The following LHFPL4 variants were observed in gnomAD, a reference collection of about 807,000 sequenced individuals.
LHFPL4 encodes the protein LHFPL tetraspan subfamily member 4 protein.
In LHFPL4, 6 loss-of-function variants were observed where a neutral mutation model predicts 20.0. That is an observed-to-expected ratio of 0.30 (90% CI 0.16 to 0.59). The LOEUF is 0.59. Ranked by LOEUF, LHFPL4 falls within the 20% of genes least tolerant of loss-of-function variation. The pLI is 0.88. For synonymous variants in LHFPL4, 129 were observed against 143.8 expected, an observed-to-expected ratio of 0.90 and a Z score of 0.74; for missense variants, 215 against 331.2, an observed-to-expected ratio of 0.65 and a Z score of 2.72.
chr3:9,512,332 T>C (rs2046266766), intron 2 of LHFPL4, among the ~76,000 whole-genome samples: 1 of 152,224 alleles, frequency 6.6e-6, no homozygotes, highest in Admixed American at 6.5e-5. Context: ...GTAGAGCTTC[T>C]GTGAGAATCA....
At chr3:9,515,382 T>A (rs79554750) in intron 2 of LHFPL4, among the ~76,000 whole-genome samples, 6 of 152,212 alleles carry the variant, frequency 3.9e-5, no homozygotes, top group Admixed American at 1.3e-4. Context: ...GTTCTTTTTT[T>A]AATTTTTTTG....
At chr3:9,547,060 C>A (rs1359167627) in intron 2 of LHFPL4, among the ~76,000 whole-genome samples, 1 of 152,174 alleles carries the variant, frequency 6.6e-6, no homozygotes, top group Non-Finnish European at 1.5e-5. Flanking sequence ...ATGATCATGG[C>A]TCACTGCAGC....
intron 2 of LHFPL4, among the ~76,000 whole-genome samples, chr3:9,537,304 A>C (rs1047017524): frequency 3.9e-5 from 6 of 152,048 alleles, no homozygotes; most frequent in African/African-American, 1.4e-4. Flanking sequence ...TCTTTCTCTA[A>C]GTCATTCAGT....
chr3:9,542,273 G>A (rs35083532), intron 2 of LHFPL4, among the ~76,000 whole-genome samples: 3,299 of 152,088 alleles, frequency 0.022, 65 homozygotes, highest in Non-Finnish European at 0.036. Flanking sequence ...GCACCAGAGC[G>A]AGACTCTGTC....
At chr3:9,537,642 C>T (rs1192025511) in intron 2 of LHFPL4, among the ~76,000 whole-genome samples, 2 of 152,156 alleles carry the variant, frequency 1.3e-5, no homozygotes, top group Non-Finnish European at 2.9e-5. Context: ...CCACCTTCTC[C>T]TGCAGACATG....
intron 2 of LHFPL4, among the ~76,000 whole-genome samples, chr3:9,543,122 G>T (rs1348729399): frequency 2.0e-5 from 3 of 152,050 alleles, no homozygotes; most frequent in African/African-American, 7.3e-5. Flanking sequence ...CCACAAAAAG[G>T]GGGTGGGCAG....
Position 9,502,233 on chromosome 3 carries a change from ACG to A in LHFPL4, c.720_721del (p.Val241GlyfsTer35). 6.2e-7 allele frequency: 1 copy of A among 1,614,036 alleles called. No individual in the cohort carries two copies. The highest frequency in any genetic ancestry group is 1.1e-5 in the South Asian group (1 of 91,074). Reference sequence around the variant, plus strand: ...CTTTCAGGGTCCCTGTGAGTGAGCCACGGGGCAGGGAAGGACTCCCCATCCAG... The same window carrying A: ...CTTTCAGGGTCCCTGTGAGTGAGCCAGGGCAGGGAAGGACTCCCCATCCAG... On this transcript the variant is annotated frameshift_variant, in exon 4 of 4. Coordinates refer to ENST00000287585, the MANE Select transcript of LHFPL4 (RefSeq NM_198560.3). LOFTEE classifies it high-confidence loss of function.
chr3:9,518,859 T>G (rs1417949993), intron 2 of LHFPL4, among the ~76,000 whole-genome samples: 5 of 151,804 alleles, frequency 3.3e-5, no homozygotes, highest in Non-Finnish European at 5.9e-5. Flanking sequence ...GTTCAAGTGA[T>G]TCTCATACCT....
intron 2 of LHFPL4, among the ~76,000 whole-genome samples, chr3:9,538,752 G>A (rs891188004): frequency 2.0e-5 from 3 of 150,902 alleles, no homozygotes; most frequent in African/African-American, 7.3e-5. Flanking sequence ...AGGCTGGAGT[G>A]CAATGGCGCA....
chr3:9,513,989 C>A (rs942807900), intron 2 of LHFPL4, among the ~76,000 whole-genome samples: 2 of 152,170 alleles, frequency 1.3e-5, no homozygotes, highest in Non-Finnish European at 1.5e-5. Flanking sequence ...AGGGTGTTCG[C>A]TGCACCACCA....
chr3:9,541,715 T>G (rs1178466033), intron 2 of LHFPL4, among the ~76,000 whole-genome samples: 1 of 151,272 alleles, frequency 6.6e-6, no homozygotes, highest in Non-Finnish European at 1.5e-5. Flanking sequence ...GAGGTTGCAA[T>G]GAGTCGAGAT....
At position 9,506,001 on chromosome 3, in the gene LHFPL4, G is replaced by A. The variant is rs750922875; in HGVS notation, c.609C>T (p.Asp203=). ...LAFVLGNRQT[D]LLQEELKPEN... The stretch of plus-strand genomic sequence containing the variant: ...CCGGCTTGAGCTCCTCCTGCAGCAG[G>A]TCTGTTTGCCGGTTGCCCAGCACGA... Residue 203 remains aspartate, a synonymous_variant, in exon 3 of 4, where the codon GAC becomes GAT. Transcript: ENST00000287585. This position sits in a 1 kb window ranked among gnomAD's most constrained non-coding sequence, Gnocchi z 4.5. 1.9e-6 allele frequency: 3 copies of A among 1,614,122 alleles called. No individual in the cohort carries two copies. Among genetic ancestry groups the A allele is most frequent in the East Asian group, 2.2e-5 (1 of 44,890 alleles).
chr3:9,532,029 A>C (rs1011275720), intron 2 of LHFPL4, among the ~76,000 whole-genome samples: 2 of 152,020 alleles, frequency 1.3e-5, no homozygotes, highest in Admixed American at 1.3e-4. Flanking sequence ...ATTGCTTTTT[A>C]GTTGTTGTGG....
intron 1 of LHFPL4, among the ~76,000 whole-genome samples, chr3:9,553,148 T>A (rs963584670): frequency 6.7e-6 from 1 of 150,104 alleles, no homozygotes; most frequent in East Asian, 2.0e-4. Flanking sequence ...AGAAGGGAAT[T>A]TGGGGACTGG....
intron 2 of LHFPL4, among the ~76,000 whole-genome samples, chr3:9,523,077 G>GAAGAAAGAAAGA (rs752981499): frequency 0.3 from 33,667 of 110,842 alleles, 6,812 homozygotes; most frequent in Non-Finnish European, 0.37. Flanking sequence ...GAAAGAAAAG[G>GAAGAAAGAAAGA]AAGAAAGAAA....
At chr3:9,516,467 A>G (rs1364764162) in intron 2 of LHFPL4, among the ~76,000 whole-genome samples, 3 of 147,850 alleles carry the variant, frequency 2.0e-5, no homozygotes, top group African/African-American at 7.4e-5. Context: ...CCAGTACCAC[A>G]CTGTCTTTTT....
At chr3:9,507,721 C>G (rs2046228519) in intron 2 of LHFPL4, among the ~76,000 whole-genome samples, 1 of 152,196 alleles carries the variant, frequency 6.6e-6, no homozygotes, top group African/African-American at 2.4e-5. Flanking sequence ...CAGGTGGGCC[C>G]TTGGCCAGCA....
At position 9,506,307 on chromosome 3, in the gene LHFPL4, T is replaced by C; in HGVS notation, c.407-104A>G. The stretch of plus-strand genomic sequence containing the variant: ...TGGGCCCCACCCTATTGAGGGCACA[T>C]CAACCCAACCACGTGCTTGTTACCC... On this transcript the variant is annotated intron_variant, in intron 2 of 3. Transcript: ENST00000287585. The surrounding 1 kb of genome is among the most constrained non-coding windows in gnomAD (Gnocchi z 4.5). The C allele has an allele frequency of 1.2e-6, 1 of 849,342 alleles. No individual in the cohort carries two copies. Among genetic ancestry groups the C allele is most frequent in the Non-Finnish European group, 1.9e-6 (1 of 513,932 alleles). 52.6% of individuals were successfully genotyped at this position (849,342 alleles called of 1,614,324 possible). A position where few individuals can be genotyped will look rare whatever the true frequency, so the allele number is the denominator to read the frequency against.
At chr3:9,541,483 G>A (rs906873977) in intron 2 of LHFPL4, among the ~76,000 whole-genome samples, 6 of 152,124 alleles carry the variant, frequency 3.9e-5, no homozygotes, top group African/African-American at 1.4e-4. Context: ...ACTCAAAGTG[G>A]ATCAAAGGCT....
Sources: allele counts gnomAD v4.1 joint callset (sites outside exome capture counted in the v4.1 genomes callset), GRCh38; gene constraint gnomAD v4.1.1; non-coding constraint Gnocchi (gnomAD v3.1); transcripts MANE v1.5; gene names NCBI Gene and HGNC (gene_info 2026-07-23, HGNC 2026-07-21).